Variants in BMPR1B observed in about 807,000 individuals in gnomAD.
BMPR1B encodes the protein bone morphogenetic protein receptor type-1B.
A neutral mutation model predicts 59.1 loss-of-function variants in BMPR1B; 12 were observed. The ratio of observed to expected loss-of-function variants is 0.20; its 90% CI spans 0.13 to 0.33. The LOEUF is 0.33. Among genes scored for constraint, BMPR1B ranks in the 10% least tolerant of loss-of-function variants. BMPR1B has a pLI of 1.00. For missense variants in BMPR1B, 550 were observed against 610.9 expected (o/e 0.90, Z 1.05); for synonymous variants, 237 against 207.3 (o/e 1.14, Z -1.23).
At chr4:95,148,209 C>G (rs1222129691) in intron 10 of BMPR1B, among the ~76,000 whole-genome samples, 1 of 152,116 alleles carries the variant, frequency 6.6e-6, no homozygotes, top group African/African-American at 2.4e-5. Flanking sequence ...CAACAGCTGG[C>G]TTAAAAAATA....
At chr4:94,975,389 G>A (rs1450011880) in intron 2 of BMPR1B, among the ~76,000 whole-genome samples, 2 of 128,530 alleles carry the variant, frequency 1.6e-5, no homozygotes, top group Non-Finnish European at 3.3e-5. Flanking sequence ...TTTGAGACGG[G>A]GTCTCATCCC....
intron 1 of BMPR1B, among the ~76,000 whole-genome samples, chr4:94,828,989 TA>T (rs61605288): frequency 0.2 from 28,639 of 143,972 alleles, 3,345 homozygotes; most frequent in African/African-American, 0.34. Flanking sequence ...GAGAAGTCAT[TA>T]AAAAAAAAAA....
At chr4:94,922,263 T>C (rs917729608) in intron 2 of BMPR1B, among the ~76,000 whole-genome samples, 2 of 152,088 alleles carry the variant, frequency 1.3e-5, no homozygotes, top group East Asian at 1.9e-4. Context: ...GCATGAGTCA[T>C]TGTGCCTGGC....
At chr4:94,824,435 C>T (rs1028670361) in intron 1 of BMPR1B, among the ~76,000 whole-genome samples, 3 of 152,210 alleles carry the variant, frequency 2.0e-5, no homozygotes. Context: ...GTATCTTAAT[C>T]ACTTATGGAG....
chr4:94,851,758 A>T (rs1040100943), intron 1 of BMPR1B, among the ~76,000 whole-genome samples: 1 of 152,156 alleles, frequency 6.6e-6, no homozygotes, highest in African/African-American at 2.4e-5. Flanking sequence ...TGAGATCATT[A>T]TAAAGCGTAT....
chr4:94,850,151 C>T (rs1725512433), intron 1 of BMPR1B, among the ~76,000 whole-genome samples: 1 of 152,040 alleles, frequency 6.6e-6, no homozygotes, highest in South Asian at 2.1e-4. Context: ...CATAATCCTT[C>T]CTGACTTCAT....
chr4:94,903,973 A>G (rs1390490595), intron 2 of BMPR1B, among the ~76,000 whole-genome samples: 1 of 152,056 alleles, frequency 6.6e-6, no homozygotes. Context: ...TAGCAAACTA[A>G]TACACTTAGT....
chr4:95,105,282 G>A (rs1434490962), intron 4 of BMPR1B, among the ~76,000 whole-genome samples: 1 of 152,042 alleles, frequency 6.6e-6, no homozygotes, highest in Non-Finnish European at 1.5e-5. Flanking sequence ...TGCCAAGAGA[G>A]AAGTGGGTCA....
chr4:95,104,552 T>A lies in BMPR1B; in HGVS notation c.128T>A (p.Val43Asp). The change falls in exon 4 of 13, where the codon GTC becomes GAC. Residue 43 changes from valine (V) to aspartate (D), a missense_variant. Coordinates refer to ENST00000515059, the MANE Select transcript of BMPR1B (RefSeq NM_001203.3). ...CACCACCATTGTCCAGAAGACTCAG[T>A]CAACAATATTTGCAGGTTGGTGATA... is the stretch of plus-strand genomic sequence containing the variant. ...KCHHHCPEDS[V>D]NNICSTDGYC... 6.2e-7 allele frequency: 1 copy of A among 1,613,436 alleles called. No homozygotes were observed. Among genetic ancestry groups the A allele is most frequent in the Non-Finnish European group, 8.5e-7 (1 of 1,179,538 alleles).
chr4:95,042,829 C>T (rs1447678890), intron 3 of BMPR1B, among the ~76,000 whole-genome samples: 2 of 152,086 alleles, frequency 1.3e-5, no homozygotes, highest in African/African-American at 2.4e-5. Context: ...CAGTTTCTTG[C>T]CTGAGATAGT....
chr4:94,797,597 T>G (rs1266562993), intron 1 of BMPR1B, among the ~76,000 whole-genome samples: 1 of 152,200 alleles, frequency 6.6e-6, no homozygotes, highest in East Asian at 1.9e-4. Context: ...GTTCAGTATA[T>G]TCACATTGTC....
chr4:95,078,692 C>T (rs993920770), intron 3 of BMPR1B, among the ~76,000 whole-genome samples: 1 of 152,182 alleles, frequency 6.6e-6, no homozygotes, highest in Non-Finnish European at 1.5e-5. Flanking sequence ...TCCCATGTTT[C>T]ACTCCTTATT....
chr4:94,905,972 A>G (rs1173523112), intron 2 of BMPR1B, among the ~76,000 whole-genome samples: 1 of 150,516 alleles, frequency 6.6e-6, no homozygotes, highest in Non-Finnish European at 1.5e-5. Context: ...ATATCAAGCT[A>G]CAAAGGAGTA....
At chr4:94,902,515 T>C (rs1177500183) in intron 2 of BMPR1B, among the ~76,000 whole-genome samples, 1 of 151,968 alleles carries the variant, frequency 6.6e-6, no homozygotes, top group African/African-American at 2.4e-5. Context: ...TTAGCTATTA[T>C]CTAGAACATT....
At chr4:94,871,566 A>G (rs949656277) in intron 1 of BMPR1B, among the ~76,000 whole-genome samples, 1 of 152,156 alleles carries the variant, frequency 6.6e-6, no homozygotes, top group Non-Finnish European at 1.5e-5. Flanking sequence ...TGAAAAGAAA[A>G]AACTTAATTT....
Position 94,773,023 on chromosome 4 carries a change from A to AT in BMPR1B, c.-183+14960dup, listed in dbSNP as rs781747504. Among the ~76,000 whole-genome samples the AT allele has an allele frequency of 5.9e-5, 9 of 152,236 alleles. No homozygotes were observed. In the East Asian group the frequency reaches 1.7e-3, roughly 29 times the overall value. ...GTGTTCTCATTTCTCAGGTCAAATA[A>AT]TTTTTCGTTTGTAATTTTTCATCAC... On this transcript the variant is annotated intron_variant, in intron 1 of 12. Transcript: ENST00000515059.
intron 1 of BMPR1B, among the ~76,000 whole-genome samples, chr4:94,796,604 T>G (rs1441344884): frequency 1.3e-5 from 2 of 152,166 alleles, no homozygotes; most frequent in African/African-American, 4.8e-5. Context: ...GAGAAATTAT[T>G]TAAGTATTTC....
chr4:95,086,356 C>T (rs994085779), intron 3 of BMPR1B, among the ~76,000 whole-genome samples: 1 of 152,186 alleles, frequency 6.6e-6, no homozygotes, highest in Non-Finnish European at 1.5e-5. Context: ...CTGTGCCAGG[C>T]TTGTTACACA....
chr4:95,113,474 A>T (rs1359868877), intron 4 of BMPR1B, among the ~76,000 whole-genome samples: 1 of 152,124 alleles, frequency 6.6e-6, no homozygotes, highest in African/African-American at 2.4e-5. Flanking sequence ...GAATAGACAA[A>T]CCCACAAATC....
Sources: allele counts gnomAD v4.1 joint callset (sites outside exome capture counted in the v4.1 genomes callset), GRCh38; gene constraint gnomAD v4.1.1; transcripts MANE v1.5; gene names NCBI Gene and HGNC (gene_info 2026-07-23, HGNC 2026-07-21).